B3GAT2: variants seen among roughly 807,000 people sequenced by gnomAD.
B3GAT2 encodes beta-1,3-glucuronyltransferase 2.
Under a neutral mutation model 27.8 loss-of-function variants are expected in B3GAT2, and 26 were observed. The observed-to-expected ratio is 0.93, with a 90% confidence interval of 0.68 to 1.30. B3GAT2 has a LOEUF of 1.30. Ranked by LOEUF, B3GAT2 falls within the 50% of genes most tolerant of loss-of-function variation. The pLI, the probability that B3GAT2 is intolerant of heterozygous loss-of-function variation, is 0.00. For synonymous variants in B3GAT2, 218 were observed against 195.1 expected (o/e 1.12, Z -0.98); for missense variants, 458 against 459.0 (o/e 1.00, Z 0.02).
At chr6:70,903,086 T>C (rs1051507933) in intron 1 of B3GAT2, among the ~76,000 whole-genome samples, 26 of 152,094 alleles carry the variant, frequency 1.7e-4, no homozygotes, top group African/African-American at 5.8e-4. Flanking sequence ...CCACAATGTA[T>C]ACATGTATCA....
At chr6:70,919,477 G>A (rs1772830559) in intron 1 of B3GAT2, among the ~76,000 whole-genome samples, 1 of 152,156 alleles carries the variant, frequency 6.6e-6, no homozygotes, top group African/African-American at 2.4e-5. Flanking sequence ...GGAGAAGAAA[G>A]GCGTTCTGGT....
chr6:70,883,222 T>C (rs1772126382), intron 2 of B3GAT2, among the ~76,000 whole-genome samples: 1 of 152,182 alleles, frequency 6.6e-6, no homozygotes, highest in Admixed American at 6.5e-5. Flanking sequence ...AGTTCTACTT[T>C]GGACATCCAA....
At chr6:70,870,497 A>T (rs1235076760) in intron 2 of B3GAT2, among the ~76,000 whole-genome samples, 1 of 151,682 alleles carries the variant, frequency 6.6e-6, no homozygotes, top group Non-Finnish European at 1.5e-5. Context: ...CATATGTAAC[A>T]AACCTGCACG....
chr6:70,925,593 G>A (rs985947507), intron 1 of B3GAT2, among the ~76,000 whole-genome samples: 9 of 152,192 alleles, frequency 5.9e-5, no homozygotes, highest in Non-Finnish European at 1.2e-4. Context: ...CCCCAAGACT[G>A]GGGGAGGGGC....
intron 1 of B3GAT2, among the ~76,000 whole-genome samples, chr6:70,938,596 G>A (rs1269665430): frequency 2.2e-4 from 33 of 149,114 alleles, no homozygotes; most frequent in Non-Finnish European, 3.8e-4. Context: ...CAGAAATAAC[G>A]CTGCATATCT....
intron 1 of B3GAT2, among the ~76,000 whole-genome samples, chr6:70,895,411 TA>T (rs1310784613): frequency 1.3e-5 from 2 of 151,672 alleles, no homozygotes; most frequent in South Asian, 2.1e-4. Flanking sequence ...GTCACAATAT[TA>T]AAGAGTAAAA....
intron 1 of B3GAT2, among the ~76,000 whole-genome samples, chr6:70,941,176 C>T (rs1472020638): frequency 1.3e-5 from 2 of 152,060 alleles, no homozygotes; most frequent in Non-Finnish European, 2.9e-5. Flanking sequence ...AGTGCCTTTA[C>T]CTCCTCCTCC....
intron 1 of B3GAT2, among the ~76,000 whole-genome samples, chr6:70,900,019 T>C (rs934473701): frequency 3.3e-5 from 5 of 152,244 alleles, no homozygotes; most frequent in South Asian, 2.1e-4. Flanking sequence ...ATGGATATTA[T>C]GATAAAGGGG....
intron 1 of B3GAT2, among the ~76,000 whole-genome samples, chr6:70,914,655 A>C (rs372245732): frequency 6.6e-6 from 1 of 152,152 alleles, no homozygotes; most frequent in African/African-American, 2.4e-5. Flanking sequence ...TAAGACTTTG[A>C]AAAGTTACTA....
At position 70,954,959 on chromosome 6, in the gene B3GAT2, G is replaced by A. The variant is rs564910718; in HGVS notation, c.591+880C>T. Among the ~76,000 whole-genome samples the A allele has an allele frequency of 1.9e-3, 295 of 151,288 alleles. 1 individual carries two copies. The highest frequency in any genetic ancestry group is 2.1e-3 in the Non-Finnish European group (142 of 67,840). On this transcript the variant is annotated intron_variant, in intron 1 of 3. Coordinates refer to ENST00000230053, the MANE Select transcript of B3GAT2 (RefSeq NM_080742.3). ...CGTGGCCATCCCAGGGAACTCATGG[G>A]CCATCTCAACAGCAGGGAGCCCGGA...
chr6:70,949,876 A>C (rs1450429462), intron 1 of B3GAT2, among the ~76,000 whole-genome samples: 1 of 152,076 alleles, frequency 6.6e-6, no homozygotes, highest in African/African-American at 2.4e-5. Flanking sequence ...ATGCAGCCAT[A>C]AAAAATGATG....
rs1269878575 is a variant in B3GAT2, at chr6:70,861,671, C to A, written c.964G>T (p.Glu322Ter). 6.2e-6 allele frequency: 10 copies of A among 1,613,502 alleles called. No homozygotes were observed. Among genetic ancestry groups the A allele is most frequent in the Non-Finnish European group, 8.5e-6 (10 of 1,179,486 alleles). Reference protein sequence around the residue: ...PKYHLDTVKIEV With the variant: ...PKYHLDTVKI ...CCAGTTGCTGCTTCAATTTATACCT[C>A]AATTTTCACTGTGTCCAGGTGGTAC... Residue 322 changes from glutamate (E) to a stop codon, truncating the protein, a stop_gained, in exon 4 of 4, where the codon GAG (glutamate) becomes TAG (stop). Coordinates refer to ENST00000230053, the MANE Select transcript of B3GAT2 (RefSeq NM_080742.3). LOFTEE classifies it high-confidence loss of function.
chr6:70,950,439 G>C (rs1350513243), intron 1 of B3GAT2, among the ~76,000 whole-genome samples: 1 of 151,988 alleles, frequency 6.6e-6, no homozygotes, highest in Non-Finnish European at 1.5e-5. Context: ...ATATCACAAG[G>C]CTCCTGCTAA....
At chr6:70,899,341 T>C (rs763742000) in intron 1 of B3GAT2, among the ~76,000 whole-genome samples, 4 of 152,182 alleles carry the variant, frequency 2.6e-5, no homozygotes, top group Non-Finnish European at 5.9e-5. Context: ...GGTAACCAGA[T>C]GAATCAAAGA....
intron 2 of B3GAT2, among the ~76,000 whole-genome samples, chr6:70,888,524 C>A (rs778038903): frequency 6.6e-6 from 1 of 152,038 alleles, no homozygotes; most frequent in East Asian, 1.9e-4. Context: ...TTAAGACCTC[C>A]TCTCACCTCC....
At chr6:70,943,004 T>C (rs961150719) in intron 1 of B3GAT2, among the ~76,000 whole-genome samples, 4 of 152,162 alleles carry the variant, frequency 2.6e-5, no homozygotes, top group Non-Finnish European at 5.9e-5. Flanking sequence ...GCATGTAACA[T>C]AAATAGTGTT....
At chr6:70,937,081 T>A (rs1765294067) in intron 1 of B3GAT2, among the ~76,000 whole-genome samples, 1 of 151,970 alleles carries the variant, frequency 6.6e-6, no homozygotes, top group African/African-American at 2.4e-5. Flanking sequence ...TCACCACCGA[T>A]CCCACAGAAA....
At chr6:70,943,540 C>G (rs1765425591) in intron 1 of B3GAT2, among the ~76,000 whole-genome samples, 1 of 152,162 alleles carries the variant, frequency 6.6e-6, no homozygotes, top group East Asian at 1.9e-4. Flanking sequence ...TCTGCCTGCC[C>G]TGACATGATA....
intron 1 of B3GAT2, among the ~76,000 whole-genome samples, chr6:70,902,889 G>C (rs1262026482): frequency 3.9e-5 from 6 of 151,918 alleles, no homozygotes; most frequent in Admixed American, 3.9e-4. Flanking sequence ...GGTTGGACAG[G>C]GAGTGAGGGG....
Sources: allele counts gnomAD v4.1 joint callset (sites outside exome capture counted in the v4.1 genomes callset), GRCh38; gene constraint gnomAD v4.1.1; transcripts MANE v1.5; gene names NCBI Gene and HGNC (gene_info 2026-07-23, HGNC 2026-07-21).